Variants in RMDN2 observed in about 807,000 individuals in gnomAD.
RMDN2 encodes the protein regulator of microtubule dynamics 2, also known as regulator of microtubule dynamics protein 2.
Under a neutral mutation model 52.8 loss-of-function variants are expected in RMDN2, and 61 were observed. That is an observed-to-expected ratio of 1.16 (90% CI 0.94 to 1.43). The LOEUF (loss-of-function observed/expected upper bound fraction) is 1.43, where lower values mean the gene tolerates loss of function less well. Among genes scored for constraint, RMDN2 ranks in the 40% most tolerant of loss-of-function variants. The pLI, the probability that RMDN2 is intolerant of heterozygous loss-of-function variation, is 0.00. For missense variants in RMDN2, 592 were observed against 475.3 expected, an observed-to-expected ratio of 1.25 and a Z score of -2.28; for synonymous variants, 180 against 153.1, an observed-to-expected ratio of 1.18 and a Z score of -1.30.
At chr2:37,975,155 A>G in intron 3 of RMDN2, 57 bp from the exon 4 acceptor site, 1 of 1,022,850 alleles carries the variant, frequency 9.8e-7, no homozygotes, top group Non-Finnish European at 1.5e-6. Context: ...GAAAACAAGA[A>G]TAGAATAGAC....
At chr2:38,003,416 G>A (rs567696520) in intron 8 of RMDN2, among the ~76,000 whole-genome samples, 79 of 152,262 alleles carry the variant, frequency 5.2e-4, no homozygotes, top group African/African-American at 1.8e-3. Context: ...AGCCAGGCAT[G>A]GTGGCAGGTA....
intron 10 of RMDN2, among the ~76,000 whole-genome samples, chr2:38,012,431 G>A (rs1678133634): frequency 6.6e-6 from 1 of 152,294 alleles, no homozygotes; most frequent in African/African-American, 2.4e-5. Context: ...CACTCAGTAA[G>A]TGTTGATAGA....
intron 2 of RMDN2, chr2:37,952,201 G>C (rs1451615129): frequency 6.2e-7 from 1 of 1,612,822 alleles, no homozygotes; most frequent in Non-Finnish European, 8.5e-7. Flanking sequence ...CCTAAAATAA[G>C]GTCACCTCAG....
At chr2:38,023,509 G>A (rs923153051) in intron 10 of RMDN2, among the ~76,000 whole-genome samples, 1 of 151,712 alleles carries the variant, frequency 6.6e-6, no homozygotes, top group African/African-American at 2.4e-5. Context: ...TCATATGCCC[G>A]CCTTTTCCTT....
chr2:37,939,602 T>C (rs1667604841), intron 2 of RMDN2, among the ~76,000 whole-genome samples: 1 of 152,238 alleles, frequency 6.6e-6, no homozygotes, highest in Non-Finnish European at 1.5e-5. Context: ...ATATTTAGGA[T>C]AGTGAGCTCT....
chr2:37,942,165 G>C (rs966669835), intron 2 of RMDN2, among the ~76,000 whole-genome samples: 3 of 152,034 alleles, frequency 2.0e-5, no homozygotes, highest in Non-Finnish European at 2.9e-5. Flanking sequence ...GGAGTTCTCC[G>C]ACCCCTTGCA....
chr2:37,993,645 C>T (rs2125146149), intron 7 of RMDN2, among the ~76,000 whole-genome samples: 1 of 151,610 alleles, frequency 6.6e-6, no homozygotes, highest in South Asian at 2.1e-4. Context: ...AGGCTGGTAA[C>T]CTAAAGCTTA....
At chr2:37,956,761 C>T (rs952873776) in intron 2 of RMDN2, among the ~76,000 whole-genome samples, 1 of 151,970 alleles carries the variant, frequency 6.6e-6, no homozygotes, top group Non-Finnish European at 1.5e-5. Context: ...CACCCATCAA[C>T]CCGTCATCTA....
chr2:38,015,983 T>A (rs918450688), intron 10 of RMDN2, among the ~76,000 whole-genome samples: 1 of 152,180 alleles, frequency 6.6e-6, no homozygotes, highest in Non-Finnish European at 1.5e-5. Context: ...ATAACCTGAG[T>A]TCTTATAAGA....
At chr2:38,007,931 A>G (rs1243452743) in intron 10 of RMDN2, among the ~76,000 whole-genome samples, 1 of 152,106 alleles carries the variant, frequency 6.6e-6, no homozygotes. Context: ...GTTTCAAAGA[A>G]CATCTTTATT....
chr2:38,014,038 C>G (rs1011723932), intron 10 of RMDN2, among the ~76,000 whole-genome samples: 4 of 151,886 alleles, frequency 2.6e-5, no homozygotes, highest in Non-Finnish European at 5.9e-5. Flanking sequence ...GAAACCCCAT[C>G]TTTACTAAAA....
At chr2:37,963,133 C>T (rs963553794) in intron 2 of RMDN2, 5 of 151,424 alleles carry the variant, frequency 3.3e-5, no homozygotes, top group African/African-American at 1.2e-4. Context: ...CAGACCGGAG[C>T]TGTTCCTAGT....
chr2:37,982,102 T>C (rs1673397638), intron 5 of RMDN2, among the ~76,000 whole-genome samples: 1 of 152,150 alleles, frequency 6.6e-6, no homozygotes, highest in Non-Finnish European at 1.5e-5. Context: ...TCCACCCTTC[T>C]TTGCGGTTAC....
rs1421143777 is a variant in RMDN2 at position 38,053,925 on chromosome 2, G to C, written c.1714-13057G>C. ...ACCTCTCATTTTAAATAGTTATTTTGATAGACAGAGAGTTAGAGGAAGTAA... is the reference window on the plus strand; with the variant it reads ...ACCTCTCATTTTAAATAGTTATTTTCATAGACAGAGAGTTAGAGGAAGTAA... On this transcript the variant is annotated intron_variant, in intron 10 of 10. Coordinates refer to the RMDN2 transcript ENST00000234195. 2.0e-5 allele frequency among the ~76,000 whole-genome samples: 3 copies of C among 152,216 alleles called. No homozygotes were observed. In the East Asian group the frequency reaches 5.8e-4, roughly 29 times the overall value.
chr2:37,962,807 T>C (rs1670433372), intron 2 of RMDN2, among the ~76,000 whole-genome samples: 1 of 152,090 alleles, frequency 6.6e-6, no homozygotes. Context: ...AGTTTTGTGC[T>C]TGAAACCCAG....
chr2:37,975,797 G>A (rs892253370), intron 4 of RMDN2, among the ~76,000 whole-genome samples: 1 of 151,978 alleles, frequency 6.6e-6, no homozygotes, highest in East Asian at 1.9e-4. Flanking sequence ...AATATATTAT[G>A]GTACAAAAAA....
intron 10 of RMDN2, among the ~76,000 whole-genome samples, chr2:38,014,300 A>G (rs115385427): frequency 0.012 from 1,886 of 152,298 alleles, 44 homozygotes; most frequent in African/African-American, 0.043. Flanking sequence ...TGATTTGTAG[A>G]AAGTCTGTTT....
chr2:38,004,491 G>A (rs532548012), intron 10 of RMDN2, among the ~76,000 whole-genome samples: 1 of 152,066 alleles, frequency 6.6e-6, no homozygotes, highest in Non-Finnish European at 1.5e-5. Context: ...GAGAACATTT[G>A]AGATCCACTC....
At chr2:37,922,914 T>C (rs1431646568), upstream of RMDN2, among the ~76,000 whole-genome samples, 1 of 152,212 alleles carries the variant, frequency 6.6e-6, no homozygotes, top group Admixed American at 6.5e-5. Context: ...TGCTGAAGTG[T>C]AGAATGATGT....
Sources: allele counts gnomAD v4.1 joint callset (sites outside exome capture counted in the v4.1 genomes callset), GRCh38; gene constraint gnomAD v4.1.1; transcripts MANE v1.5; gene names NCBI Gene and HGNC (gene_info 2026-07-23, HGNC 2026-07-21).